The following FGGY variants were observed in gnomAD, a reference collection of about 807,000 sequenced individuals.
FGGY encodes the protein FGGY carbohydrate kinase domain containing.
FGGY carries 72 observed loss-of-function variants against 71.3 expected under a neutral mutation model. The observed-to-expected ratio is 1.01, with a 90% CI of 0.84 to 1.23. FGGY has a LOEUF of 1.23. Among genes scored for constraint, FGGY ranks in the 50% most tolerant of loss-of-function variants. The pLI, the probability that FGGY is intolerant of heterozygous loss-of-function variation, is 0.00. For missense variants in FGGY, 668 were observed against 682.3 expected (o/e 0.98, Z 0.23); for synonymous variants, 251 against 250.3 (o/e 1.00, Z -0.02).
intron 5 of FGGY, among the ~76,000 whole-genome samples, chr1:59,379,200 C>T (rs1396524938): frequency 6.6e-6 from 1 of 151,814 alleles, no homozygotes; most frequent in Non-Finnish European, 1.5e-5. Flanking sequence ...CACAGAGTCA[C>T]GCATTCCTTA....
At chr1:59,312,457 C>A (rs959052693) in intron 1 of FGGY, among the ~76,000 whole-genome samples, 15 of 152,254 alleles carry the variant, frequency 9.9e-5, no homozygotes, top group African/African-American at 3.4e-4. Context: ...CTCTCCTTTT[C>A]TCTGTAAAGG....
intron 9 of FGGY, among the ~76,000 whole-genome samples, chr1:59,614,709 T>C (rs9658972): frequency 3.3e-5 from 5 of 151,962 alleles, no homozygotes; most frequent in African/African-American, 1.2e-4. Context: ...AAGTCAAATT[T>C]TTCCTGTTTG....
chr1:59,615,306 A>C (rs567096704), intron 9 of FGGY, among the ~76,000 whole-genome samples: 1 of 152,324 alleles, frequency 6.6e-6, no homozygotes, highest in Admixed American at 6.5e-5. Context: ...ACAGAGATAT[A>C]GACCAATGAA....
intron 5 of FGGY, among the ~76,000 whole-genome samples, chr1:59,449,691 C>G (rs1157192156): frequency 6.6e-6 from 1 of 152,040 alleles, no homozygotes; most frequent in Non-Finnish European, 1.5e-5. Flanking sequence ...GGCACTGCGA[C>G]TCACCTCACA....
At chr1:59,316,187 A>G (rs1434748967) in intron 1 of FGGY, 4 of 152,222 alleles carry the variant, frequency 2.6e-5, no homozygotes, top group Non-Finnish European at 5.9e-5. Flanking sequence ...TAAATTGCAC[A>G]GGACTTGTGT....
chr1:59,507,981 G>A (rs1333989927), intron 6 of FGGY, among the ~76,000 whole-genome samples: 2 of 151,654 alleles, frequency 1.3e-5, no homozygotes, highest in Admixed American at 6.6e-5. Context: ...CCCTTTTTGC[G>A]ACATACTAAA....
At chr1:59,432,290 T>C (rs1424619374) in intron 5 of FGGY, among the ~76,000 whole-genome samples, 1 of 152,162 alleles carries the variant, frequency 6.6e-6, no homozygotes, top group African/African-American at 2.4e-5. Flanking sequence ...TAAATTTAAG[T>C]AGAGTGTTTC....
intron 12 of FGGY, among the ~76,000 whole-genome samples, chr1:59,663,374 A>G (rs1326116707): frequency 2.0e-5 from 3 of 152,184 alleles, no homozygotes; most frequent in Admixed American, 6.5e-5. Flanking sequence ...TATTCCTAAG[A>G]ATCGTTTTTA....
intron 1 of FGGY, among the ~76,000 whole-genome samples, chr1:59,306,422 C>A (rs2043449597): frequency 6.6e-6 from 1 of 152,178 alleles, no homozygotes; most frequent in African/African-American, 2.4e-5. Context: ...TGAGGGCAGC[C>A]TGAATGCCTG....
At chr1:59,499,792 A>G (rs993527049) in intron 6 of FGGY, among the ~76,000 whole-genome samples, 3 of 152,210 alleles carry the variant, frequency 2.0e-5, no homozygotes, top group Non-Finnish European at 4.4e-5. Flanking sequence ...GTGCAACATT[A>G]CCTGTGACCT....
intron 6 of FGGY, among the ~76,000 whole-genome samples, chr1:59,459,918 A>G (rs1466376424): frequency 6.6e-6 from 1 of 152,166 alleles, no homozygotes; most frequent in Non-Finnish European, 1.5e-5. Flanking sequence ...TTGTCATATA[A>G]AGGGATTCAG....
intron 4 of FGGY, among the ~76,000 whole-genome samples, chr1:59,375,538 T>C (rs952040044): frequency 5.3e-5 from 8 of 152,202 alleles, no homozygotes; most frequent in African/African-American, 1.9e-4. Context: ...AAATATTTGT[T>C]GAATTACTAG....
At chr1:59,708,680 C>A (rs1377039267) in intron 14 of FGGY, among the ~76,000 whole-genome samples, 1 of 152,210 alleles carries the variant, frequency 6.6e-6, no homozygotes, top group African/African-American at 2.4e-5. Context: ...AATTCACGTT[C>A]TCAAAGCCAT....
intron 14 of FGGY, among the ~76,000 whole-genome samples, chr1:59,688,569 A>T (rs551902556): frequency 6.6e-6 from 1 of 152,144 alleles, no homozygotes; most frequent in Non-Finnish European, 1.5e-5. Context: ...TATTGTGTTC[A>T]TTTTTTACAG....
intron 14 of FGGY, among the ~76,000 whole-genome samples, chr1:59,724,538 T>C (rs899710323): frequency 1.3e-5 from 2 of 152,138 alleles, no homozygotes; most frequent in African/African-American, 4.8e-5. Flanking sequence ...CCTCCTTTTT[T>C]CCCAACTCCT....
chr1:59,536,580 G>A (rs1051410718), intron 7 of FGGY, among the ~76,000 whole-genome samples: 13 of 152,258 alleles, frequency 8.5e-5, no homozygotes, highest in East Asian at 5.8e-4. Context: ...AAAATCCTCG[G>A]TAAAATACTG....
chr1:59,383,061 C>T (rs528949773), intron 5 of FGGY, among the ~76,000 whole-genome samples: 83 of 152,202 alleles, frequency 5.5e-4, no homozygotes, highest in African/African-American at 2.0e-3. Flanking sequence ...CAAGTCTCTT[C>T]CCTTCTTTGA....
At chr1:59,434,541 G>A (rs984656258) in intron 5 of FGGY, among the ~76,000 whole-genome samples, 5 of 152,172 alleles carry the variant, frequency 3.3e-5, no homozygotes, top group Admixed American at 1.3e-4. Flanking sequence ...GTCATTTTGG[G>A]CTGCTATTAA....
intron 5 of FGGY, among the ~76,000 whole-genome samples, chr1:59,390,208 A>G (rs1212356182): frequency 2.0e-5 from 3 of 152,184 alleles, no homozygotes; most frequent in East Asian, 1.9e-4. Context: ...TTCACTCTCT[A>G]CAGAAGAAAT....
Sources: allele counts gnomAD v4.1 joint callset (sites outside exome capture counted in the v4.1 genomes callset), GRCh38; gene constraint gnomAD v4.1.1; transcripts MANE v1.5; gene names NCBI Gene and HGNC (gene_info 2026-07-23, HGNC 2026-07-21).